Variants in CDH4 observed in about 807,000 individuals in gnomAD.
CDH4 encodes the protein cadherin-4.
CDH4 carries 33 observed loss-of-function variants against 86.0 expected under a neutral mutation model. The ratio of observed to expected loss-of-function variants is 0.38; its 90% confidence interval spans 0.29 to 0.51. The LOEUF is 0.51. CDH4 is among the 20% of genes least tolerant of loss of function. CDH4 has a pLI of 0.86. For synonymous variants in CDH4, 555 were observed against 549.4 expected, an observed-to-expected ratio of 1.01 and a Z score of -0.14; for missense variants, 1,114 against 1,307.4, an observed-to-expected ratio of 0.85 and a Z score of 2.28.
chr20:61,411,591 G>A (rs542024495), intron 2 of CDH4, among the ~76,000 whole-genome samples: 1 of 152,154 alleles, frequency 6.6e-6, no homozygotes, highest in Admixed American at 6.5e-5. Context: ...GCCACCAGCA[G>A]CAACATTCAA....
chr20:61,889,781 T>G (rs559854003), intron 7 of CDH4, among the ~76,000 whole-genome samples: 1 of 148,638 alleles, frequency 6.7e-6, no homozygotes, highest in African/African-American at 2.5e-5. Context: ...GCATGATGGA[T>G]GGGTGAGTGG....
intron 2 of CDH4, among the ~76,000 whole-genome samples, chr20:61,455,462 C>T (rs1160117932): frequency 6.6e-6 from 1 of 152,214 alleles, no homozygotes; most frequent in Non-Finnish European, 1.5e-5. Context: ...GACAGCTTCC[C>T]TTCTGTGCAT....
rs1390203138 is a variant in CDH4, at chr20:61,517,296, G to A, written c.170-226267G>A. Among the ~76,000 whole-genome samples the A allele has an allele frequency of 1.3e-5, 2 of 152,162 alleles. No individual in the cohort carries two copies. The highest frequency in any genetic ancestry group is 6.5e-5 in the Admixed American group (1 of 15,286). On this transcript the variant is annotated intron_variant, in intron 2 of 15. Coordinates refer to ENST00000614565, the MANE Select transcript of CDH4 (RefSeq NM_001794.5). The surrounding 1 kb of genome is among the most constrained non-coding windows in gnomAD (Gnocchi z 6.6). ...CAGCCGCCAACTCCTGGGCTCAAGC[G>A]ATCCTCCCACCTCCTGTGGGGCTGT...
intron 2 of CDH4, among the ~76,000 whole-genome samples, chr20:61,376,383 A>G (rs2084872618): frequency 1.3e-5 from 2 of 152,088 alleles, no homozygotes; most frequent in Non-Finnish European, 2.9e-5. Context: ...AGCCGGAGCC[A>G]TCTTCTTGGA....
chr20:61,449,849 G>A (rs2085370530), intron 2 of CDH4, among the ~76,000 whole-genome samples: 1 of 152,124 alleles, frequency 6.6e-6, no homozygotes, highest in South Asian at 2.1e-4. Context: ...TAGATTCTGT[G>A]GTATTTTGTG....
intron 2 of CDH4, among the ~76,000 whole-genome samples, chr20:61,610,361 T>C (rs1400471101): frequency 2.0e-5 from 3 of 152,250 alleles, no homozygotes; most frequent in Non-Finnish European, 4.4e-5. Context: ...ACTATTCCAC[T>C]GTGTACATGA....
At chr20:61,844,516 C>T in intron 4 of CDH4, 152 bp from the exon 5 acceptor site, 1 of 710,336 alleles carries the variant, frequency 1.4e-6, no homozygotes, top group Non-Finnish European at 2.2e-6. Context: ...CCTTCCACTT[C>T]CCAAAGTGGA....
Position 61,715,727 on chromosome 20 carries a change from G to A in CDH4, c.170-27836G>A, listed in dbSNP as rs560921079. 6.9e-4 allele frequency among the ~76,000 whole-genome samples: 105 copies of A among 152,316 alleles called. 2 individuals carry two copies. Among genetic ancestry groups the A allele is most frequent in the African/African-American group, 2.4e-3 (99 of 41,584 alleles). ...AGTCTGGGGACCCCTGAGACTGAAA[G>A]CCCTGGGATGTGACTCAGGTCTCAG... is the stretch of plus-strand genomic sequence containing the variant. On this transcript the variant is annotated intron_variant, in intron 2 of 15. Coordinates refer to ENST00000614565, the MANE Select transcript of CDH4 (RefSeq NM_001794.5).
intron 2 of CDH4, among the ~76,000 whole-genome samples, chr20:61,714,240 G>A (rs920743835): frequency 2.0e-5 from 3 of 151,720 alleles, no homozygotes; most frequent in African/African-American, 7.3e-5. Flanking sequence ...TAGAGACGGG[G>A]TTTCACTGTG....
chr20:61,517,703 C>T lies in CDH4; in HGVS notation c.170-225860C>T, dbSNP rs76385078. Among the ~76,000 whole-genome samples, 188 of 152,282 alleles carry T rather than the reference C, an allele frequency of 1.2e-3. 4 individuals carry two copies. In the East Asian group the frequency reaches 0.03, roughly 24 times the overall value. ...GAATGAACAAGGAGGGGTTGTCGGA[C>T]GTGTTCAGGACAGGAACAGCACACT... On this transcript the variant is annotated intron_variant, in intron 2 of 15. Coordinates refer to ENST00000614565, the MANE Select transcript of CDH4 (RefSeq NM_001794.5). The surrounding 1 kb of genome is among the most constrained non-coding windows in gnomAD (Gnocchi z 6.6).
intron 2 of CDH4, chr20:61,719,296 C>T (rs1478499775): frequency 2.7e-6 from 1 of 366,350 alleles, no homozygotes; most frequent in Non-Finnish European, 5.6e-6. Context: ...TGCCGTGTGG[C>T]CTCATTGCAG....
Position 61,846,473 on chromosome 20 carries a change from A to C in CDH4, c.732+1650A>C, listed in dbSNP as rs1200515932. Among the ~76,000 whole-genome samples, 3 of 152,178 alleles carry C rather than the reference A, an allele frequency of 2.0e-5. No individual in the cohort carries two copies. The South Asian group carries it at 6.2e-4, about 31-fold the overall frequency. ...TCAACAGCCCTTACTGCCAAGAAAT[A>C]GCTACGGACCAAGGACTTAGGGAGA... is the stretch of plus-strand genomic sequence containing the variant. On this transcript the variant is annotated intron_variant, in intron 5 of 15. Coordinates refer to ENST00000614565, the MANE Select transcript of CDH4 (RefSeq NM_001794.5).
At chr20:61,320,406 C>T (rs1220257403) in intron 2 of CDH4, among the ~76,000 whole-genome samples, 1 of 152,112 alleles carries the variant, frequency 6.6e-6, no homozygotes, top group African/African-American at 2.4e-5. Flanking sequence ...GCACCAACCA[C>T]AAAACCATGC....
chr20:61,677,910 G>A (rs1294077068), intron 2 of CDH4, among the ~76,000 whole-genome samples: 1 of 151,854 alleles, frequency 6.6e-6, no homozygotes, highest in African/African-American at 2.4e-5. Context: ...AATGATAGGT[G>A]ATAGATACAT....
intron 2 of CDH4, among the ~76,000 whole-genome samples, chr20:61,382,521 G>A (rs780824442): frequency 1.1e-4 from 16 of 152,190 alleles, no homozygotes; most frequent in Admixed American, 6.5e-4. Context: ...ACCTTCTATT[G>A]GCTTCCCAGG....
At chr20:61,674,515 C>T (rs1196292422) in intron 2 of CDH4, among the ~76,000 whole-genome samples, 2 of 152,188 alleles carry the variant, frequency 1.3e-5, no homozygotes, top group Non-Finnish European at 2.9e-5. Flanking sequence ...GCCCAGTGCT[C>T]AGCAGGGCCC....
chr20:61,270,773 G>A (rs1354329704), intron 2 of CDH4, among the ~76,000 whole-genome samples: 1 of 152,154 alleles, frequency 6.6e-6, no homozygotes, highest in Non-Finnish European at 1.5e-5. Flanking sequence ...GTGGGGTGGG[G>A]GTAGTGTGAG....
intron 4 of CDH4, 146 bp from the exon 5 acceptor site, chr20:61,844,522 G>A (rs1275511662): frequency 1.4e-6 from 1 of 733,084 alleles, no homozygotes; most frequent in Non-Finnish European, 2.1e-6. Context: ...ACTTCCCAAA[G>A]TGGATGAAAG....
intron 2 of CDH4, among the ~76,000 whole-genome samples, chr20:61,733,466 C>T (rs75789431): frequency 6.6e-6 from 1 of 152,108 alleles, no homozygotes; most frequent in African/African-American, 2.4e-5. Flanking sequence ...CCTCGGGATG[C>T]ATGCTTCCTC....
Sources: allele counts gnomAD v4.1 joint callset (sites outside exome capture counted in the v4.1 genomes callset), GRCh38; gene constraint gnomAD v4.1.1; non-coding constraint Gnocchi (gnomAD v3.1); transcripts MANE v1.5; gene names NCBI Gene and HGNC (gene_info 2026-07-23, HGNC 2026-07-21).